Variants in UNC5D observed in about 807,000 individuals in gnomAD.
The protein encoded by UNC5D is unc-5 netrin receptor D.
A neutral mutation model predicts 105.4 loss-of-function variants in UNC5D; 39 were observed. The observed-to-expected ratio is 0.37, with a 90% confidence interval of 0.29 to 0.48. UNC5D has a LOEUF of 0.48. Ranked by LOEUF, UNC5D falls within the 20% of genes least tolerant of loss-of-function variation. The pLI, the probability that UNC5D is intolerant of heterozygous loss-of-function variation, is 0.98. For synonymous variants in UNC5D, 452 were observed against 450.4 expected (o/e 1.00, Z -0.04); for missense variants, 991 against 1,202.4 (o/e 0.82, Z 2.60).
chr8:35,241,920 T>G (rs575539010), intron 1 of UNC5D, among the ~76,000 whole-genome samples: 1 of 152,234 alleles, frequency 6.6e-6, no homozygotes, highest in African/African-American at 2.4e-5. Flanking sequence ...TATCAGACAC[T>G]GGGTCTTATT....
intron 1 of UNC5D, among the ~76,000 whole-genome samples, chr8:35,259,939 C>T (rs1254633054): frequency 6.6e-6 from 1 of 152,042 alleles, no homozygotes; most frequent in African/African-American, 2.4e-5. Flanking sequence ...TTTAAAGTCA[C>T]TGGAGGAGAA....
intron 3 of UNC5D, among the ~76,000 whole-genome samples, chr8:35,571,637 C>T (rs558444078): frequency 4.5e-4 from 68 of 152,300 alleles, no homozygotes; most frequent in Middle Eastern, 3.4e-3. Context: ...AAATGTCTTT[C>T]ATTCTATATG....
At chr8:35,722,709 GATGT>G (rs1019687707) in intron 9 of UNC5D, among the ~76,000 whole-genome samples, 36 of 152,146 alleles carry the variant, frequency 2.4e-4, no homozygotes, top group African/African-American at 8.7e-4. Flanking sequence ...TCCTTTTGAG[GATGT>G]ATATTTAATT....
chr8:35,351,914 A>C (rs1208796672), intron 1 of UNC5D, among the ~76,000 whole-genome samples: 2 of 152,126 alleles, frequency 1.3e-5, no homozygotes, highest in African/African-American at 4.8e-5. Context: ...ACATGCATAC[A>C]TTGGTTAACT....
chr8:35,427,831 A>G (rs1384867888), intron 1 of UNC5D, among the ~76,000 whole-genome samples: 1 of 152,232 alleles, frequency 6.6e-6, no homozygotes, highest in Non-Finnish European at 1.5e-5. Context: ...AAAGCTCATT[A>G]TAAATTACAA....
chr8:35,562,152 T>A (rs1193257399), intron 2 of UNC5D, among the ~76,000 whole-genome samples: 1 of 152,222 alleles, frequency 6.6e-6, no homozygotes, highest in Non-Finnish European at 1.5e-5. Context: ...CTTATTGCAC[T>A]TAACATATGA....
In UNC5D at chr8:35,692,360, T is replaced by C. The variant is rs918179520; in HGVS notation, c.1084+5651T>C. 2.6e-5 allele frequency among the ~76,000 whole-genome samples: 4 copies of C among 152,242 alleles called. No homozygotes were observed. The East Asian group carries it at 7.7e-4, about 29-fold the overall frequency. On this transcript the variant is annotated intron_variant, in intron 7 of 16. Coordinates refer to ENST00000404895, the MANE Select transcript of UNC5D (RefSeq NM_080872.4). ...TGTTTGCTTTGTTAAGCATTTTCTCTTGGACCATTCTAAACCTCATTGTTA... is the reference window on the plus strand; with the variant it reads ...TGTTTGCTTTGTTAAGCATTTTCTCCTGGACCATTCTAAACCTCATTGTTA...
intron 1 of UNC5D, among the ~76,000 whole-genome samples, chr8:35,459,974 G>A (rs750694470): frequency 2.4e-4 from 37 of 152,082 alleles, no homozygotes; most frequent in African/African-American, 4.6e-4. Flanking sequence ...TGCCGGATTC[G>A]GCTCCACGAT....
At chr8:35,329,226 A>C (rs1810409862) in intron 1 of UNC5D, among the ~76,000 whole-genome samples, 1 of 152,098 alleles carries the variant, frequency 6.6e-6, no homozygotes, top group Non-Finnish European at 1.5e-5. Context: ...TGATTTTGGA[A>C]TTGTCCACTT....
At chr8:35,611,313 C>T (rs1031383526) in intron 4 of UNC5D, among the ~76,000 whole-genome samples, 1 of 152,128 alleles carries the variant, frequency 6.6e-6, no homozygotes, top group East Asian at 1.9e-4. Context: ...CCTTCAAGGT[C>T]AAGATAAAGC....
chr8:35,351,997 C>T lies in UNC5D; in HGVS notation c.103+116110C>T, dbSNP rs571805311. On this transcript the variant is annotated intron_variant, in intron 1 of 16. Transcript: ENST00000404895. ...TCTCTTGAAAGTGATTCACATATTTCAATTTTTAAAAAACGTTCAAAGAAA... is the reference window on the plus strand; with the variant it reads ...TCTCTTGAAAGTGATTCACATATTTTAATTTTTAAAAAACGTTCAAAGAAA... 2.0e-5 allele frequency among the ~76,000 whole-genome samples: 3 copies of T among 152,034 alleles called. No homozygotes were observed. The East Asian group carries it at 5.8e-4, about 30-fold the overall frequency.
intron 13 of UNC5D, among the ~76,000 whole-genome samples, chr8:35,756,562 A>G (rs1391785750): frequency 6.7e-6 from 1 of 150,194 alleles, no homozygotes; most frequent in African/African-American, 2.5e-5. Flanking sequence ...AAAAAAAAAA[A>G]AAAAAGAAAA....
At chr8:35,401,470 C>T (rs906200449) in intron 1 of UNC5D, among the ~76,000 whole-genome samples, 4 of 152,072 alleles carry the variant, frequency 2.6e-5, no homozygotes, top group Non-Finnish European at 4.4e-5. Flanking sequence ...GACAACAGAG[C>T]AGGACTCCAT....
chr8:35,735,868 AT>A (rs1368366833), intron 11 of UNC5D, among the ~76,000 whole-genome samples: 2 of 152,208 alleles, frequency 1.3e-5, no homozygotes, highest in Non-Finnish European at 2.9e-5. Context: ...TCCTTGGACT[AT>A]TTGAGAGGAC....
chr8:35,634,314 G>T (rs1303825612), intron 4 of UNC5D, among the ~76,000 whole-genome samples: 1 of 152,196 alleles, frequency 6.6e-6, no homozygotes, highest in South Asian at 2.1e-4. Flanking sequence ...GAACCAGGTG[G>T]CTTGCACATT....
At chr8:35,681,330 G>A (rs1441636559) in intron 4 of UNC5D, among the ~76,000 whole-genome samples, 3 of 152,098 alleles carry the variant, frequency 2.0e-5, no homozygotes, top group East Asian at 3.9e-4. Flanking sequence ...GTGAGAATGT[G>A]GATTTACTTA....
chr8:35,455,886 C>T (rs1808457581), intron 1 of UNC5D, among the ~76,000 whole-genome samples: 1 of 152,068 alleles, frequency 6.6e-6, no homozygotes, highest in Non-Finnish European at 1.5e-5. Flanking sequence ...TCAATTATGT[C>T]CTGCTGGGGC....
At chr8:35,716,988 G>A (rs186523669) in intron 8 of UNC5D, among the ~76,000 whole-genome samples, 5 of 152,316 alleles carry the variant, frequency 3.3e-5, no homozygotes, top group Non-Finnish European at 7.3e-5. Context: ...TTCCTGGGGC[G>A]CTTGTTACCT....
At chr8:35,652,915 A>ATTTTT (rs34611902) in intron 4 of UNC5D, among the ~76,000 whole-genome samples, 8 of 49,156 alleles carry the variant, frequency 1.6e-4, no homozygotes, top group Non-Finnish European at 2.3e-4. Flanking sequence ...ACAAGTGAGG[A>ATTTTT]TTTTTTTTTT....
Sources: gnomAD v4.1 joint callset for allele counts (sites outside exome capture counted in the v4.1 genomes callset) on GRCh38, gnomAD v4.1.1 for gene constraint, MANE v1.5 for transcripts, NCBI Gene and HGNC (gene_info 2026-07-23, HGNC 2026-07-21) for gene names.